The following BMPR2 variants were observed in gnomAD, a reference collection of about 807,000 sequenced individuals.
The protein encoded by BMPR2 is bone morphogenetic protein receptor type-2.
Under a neutral mutation model 100.8 loss-of-function variants are expected in BMPR2, and 29 were observed. The ratio of observed to expected loss-of-function variants is 0.29; its 90% CI spans 0.21 to 0.39. The LOEUF is 0.39. Ranked by LOEUF, BMPR2 falls within the 10% of genes least tolerant of loss-of-function variation. The pLI is 1.00. For missense variants in BMPR2, 1,011 were observed against 1,274.5 expected, an observed-to-expected ratio of 0.79 and a Z score of 3.15; for synonymous variants, 382 against 442.3, an observed-to-expected ratio of 0.86 and a Z score of 1.71.
chr2:202,487,662 G>T (rs1382681097), intron 3 of BMPR2, among the ~76,000 whole-genome samples: 2 of 152,088 alleles, frequency 1.3e-5, no homozygotes, highest in Non-Finnish European at 2.9e-5. Context: ...AACTGGTCTG[G>T]GTTCAGTTTC....
At chr2:202,452,110 C>CAA (rs1329510398) in intron 1 of BMPR2, among the ~76,000 whole-genome samples, 1 of 152,090 alleles carries the variant, frequency 6.6e-6, no homozygotes, top group Non-Finnish European at 1.5e-5. Flanking sequence ...CCATACTCAA[C>CAA]ATACAGTACA....
chr2:202,424,389 A>C (rs1008336956), intron 1 of BMPR2, among the ~76,000 whole-genome samples: 1 of 140,240 alleles, frequency 7.1e-6, no homozygotes, highest in Non-Finnish European at 1.5e-5. Context: ...AAAAAAAAAA[A>C]CACGTTTTTT....
At chr2:202,419,102 G>A (rs1691202063) in intron 1 of BMPR2, among the ~76,000 whole-genome samples, 1 of 152,122 alleles carries the variant, frequency 6.6e-6, no homozygotes, top group South Asian at 2.1e-4. Flanking sequence ...AGAAATTTGA[G>A]GAGAAGAAAA....
At chr2:202,408,178 A>G (rs1172237197) in intron 1 of BMPR2, among the ~76,000 whole-genome samples, 1 of 152,192 alleles carries the variant, frequency 6.6e-6, no homozygotes, top group African/African-American at 2.4e-5. Context: ...GAAAAACCAA[A>G]TCTGTTTGTT....
At chr2:202,380,762 G>A (rs1412061088) in intron 1 of BMPR2, among the ~76,000 whole-genome samples, 1 of 151,162 alleles carries the variant, frequency 6.6e-6, no homozygotes, top group Non-Finnish European at 1.5e-5. Context: ...TGGGATTACA[G>A]GCATGTGCCA....
intron 1 of BMPR2, among the ~76,000 whole-genome samples, chr2:202,391,784 A>G (rs1326067161): frequency 1.4e-5 from 2 of 147,712 alleles, no homozygotes; most frequent in Non-Finnish European, 3.0e-5. Flanking sequence ...TTTTTTTGAG[A>G]TGGAGTCGCA....
chr2:202,542,512 A>G, intron 10 of BMPR2, 65 bp downstream of exon 10: 2 of 1,562,330 alleles, frequency 1.3e-6, no homozygotes, highest in Non-Finnish European at 1.7e-6. Context: ...GTTGTTTGAA[A>G]CAAAAATAGA....
At chr2:202,397,062 G>C (rs979230123) in intron 1 of BMPR2, among the ~76,000 whole-genome samples, 1 of 152,154 alleles carries the variant, frequency 6.6e-6, no homozygotes, top group African/African-American at 2.4e-5. Context: ...CTCCCAAAGT[G>C]CTGGGATTAC....
chr2:202,556,492 C>T lies in BMPR2; in HGVS notation c.2827C>T (p.Leu943Phe). 6.2e-7 allele frequency: 1 copy of T among 1,613,910 alleles called. No individual in the cohort carries two copies. The highest frequency in any genetic ancestry group is 8.5e-7 in the Non-Finnish European group (1 of 1,180,038). The change falls in exon 12 of 13, where the codon CTT (leucine) becomes TTT (phenylalanine). Residue 943 changes from leucine to phenylalanine, a missense_variant. By Grantham distance (22) the Leu-to-Phe change is conservative (BLOSUM62 0). This residue lies in a region of BMPR2 where 508 missense variants were observed against 552.0 expected (regional missense o/e 0.92). Transcript: ENST00000374580. Reference protein sequence around the residue: ...RRAQRPNSLDLSATNVLDGSS... With the variant: ...RRAQRPNSLDFSATNVLDGSS... ...AGCACAGAGGCCTAATTCTCTGGAT[C>T]TTTCAGCCACAAATGTCCTGGATGG...
intron 1 of BMPR2, among the ~76,000 whole-genome samples, chr2:202,456,715 A>G (rs1692116057): frequency 6.6e-6 from 1 of 152,016 alleles, no homozygotes; most frequent in Non-Finnish European, 1.5e-5. Context: ...GGGTTTCACC[A>G]TATTGGTCAG....
intron 1 of BMPR2, among the ~76,000 whole-genome samples, chr2:202,454,837 C>T (rs976188923): frequency 2.0e-5 from 3 of 152,148 alleles, no homozygotes; most frequent in South Asian, 2.1e-4. Context: ...ACAATAGACT[C>T]GATGTCTTGA....
At chr2:202,533,563 A>G (rs528401579) in intron 9 of BMPR2, among the ~76,000 whole-genome samples, 1 of 149,702 alleles carries the variant, frequency 6.7e-6, no homozygotes, top group South Asian at 2.1e-4. Flanking sequence ...GGTGGCTTAC[A>G]CCTGTAATCC....
At chr2:202,487,741 T>A (rs1692806676) in intron 3 of BMPR2, among the ~76,000 whole-genome samples, 1 of 152,236 alleles carries the variant, frequency 6.6e-6, no homozygotes, top group African/African-American at 2.4e-5. Flanking sequence ...GATTGCAGAA[T>A]TGTTGAGAGC....
chr2:202,425,287 G>C (rs1453632148), intron 1 of BMPR2, among the ~76,000 whole-genome samples: 1 of 152,182 alleles, frequency 6.6e-6, no homozygotes, highest in African/African-American at 2.4e-5. Flanking sequence ...GATTCAGTCT[G>C]CCGCTAGTGC....
At chr2:202,481,200 T>C (rs1214491247) in intron 3 of BMPR2, among the ~76,000 whole-genome samples, 1 of 152,090 alleles carries the variant, frequency 6.6e-6, no homozygotes, top group Non-Finnish European at 1.5e-5. Flanking sequence ...TCTCTTGAGA[T>C]GGAGTTTCAC....
At chr2:202,494,953 C>T (rs927777087) in intron 3 of BMPR2, among the ~76,000 whole-genome samples, 5 of 152,016 alleles carry the variant, frequency 3.3e-5, no homozygotes, top group African/African-American at 4.8e-5. Flanking sequence ...GTGCGTGATG[C>T]GGGGTGTGGC....
At chr2:202,505,456 A>G (rs1203886310) in intron 3 of BMPR2, 1 of 151,768 alleles carries the variant, frequency 6.6e-6, no homozygotes, top group African/African-American at 2.4e-5. Context: ...CCTGAGCTCA[A>G]GCAACCCTCC....
At chr2:202,422,316 G>GT (rs1489268105) in intron 1 of BMPR2, among the ~76,000 whole-genome samples, 18 of 150,582 alleles carry the variant, frequency 1.2e-4, no homozygotes, top group Admixed American at 5.3e-4. Flanking sequence ...TTGTTTTTTT[G>GT]TTTTTTTTGA....
intron 1 of BMPR2, among the ~76,000 whole-genome samples, chr2:202,408,808 A>G (rs1394121870): frequency 6.6e-6 from 1 of 152,232 alleles, no homozygotes; most frequent in African/African-American, 2.4e-5. Context: ...TATCTTGGAA[A>G]CACAGGGTAT....
Sources: gnomAD v4.1 joint callset for allele counts (sites outside exome capture counted in the v4.1 genomes callset) on GRCh38, gnomAD v4.1.1 for gene constraint, gnomAD v4.1.1 regional missense constraint, MANE v1.5 for transcripts, NCBI Gene and HGNC (gene_info 2026-07-23, HGNC 2026-07-21) for gene names.